Variants in CCDC146 observed in about 807,000 individuals in gnomAD.
CCDC146 encodes the protein coiled-coil domain-containing protein 146.
A neutral mutation model predicts 119.3 loss-of-function variants in CCDC146; 92 were observed. That is an observed-to-expected ratio of 0.77 (90% CI 0.65 to 0.92). The LOEUF (loss-of-function observed/expected upper bound fraction) is 0.92. Among genes scored for constraint, CCDC146 ranks in the 40% least tolerant of loss-of-function variants. The probability of loss-of-function intolerance (pLI) is 0.00; values close to 1 mark genes in which losing one functional copy is unlikely to be tolerated. For synonymous variants in CCDC146, 372 were observed against 371.8 expected (o/e 1.00, Z -0.01); for missense variants, 1,000 against 1,103.0 (o/e 0.91, Z 1.32).
intron 3 of CCDC146, among the ~76,000 whole-genome samples, chr7:77,238,620 G>C (rs1185568496): frequency 6.6e-6 from 1 of 151,988 alleles, no homozygotes; most frequent in Non-Finnish European, 1.5e-5. Flanking sequence ...GGTTTCACTG[G>C]GTTAGCCAGG....
chr7:77,242,638 T>G (rs1792871575), intron 4 of CCDC146, among the ~76,000 whole-genome samples: 1 of 152,194 alleles, frequency 6.6e-6, no homozygotes, highest in Admixed American at 6.5e-5. Flanking sequence ...AATTCAAGTT[T>G]TCTGCTGTGG....
At chr7:77,290,403 GA>G (rs1408677717) in intron 17 of CCDC146, among the ~76,000 whole-genome samples, 1 of 149,884 alleles carries the variant, frequency 6.7e-6, no homozygotes, top group Middle Eastern at 3.2e-3. Flanking sequence ...GAAAAAAGAA[GA>G]AAAAAAAAGT....
intron 1 of CCDC146, among the ~76,000 whole-genome samples, chr7:77,163,718 G>A (rs964890881): frequency 1.3e-5 from 2 of 152,054 alleles, no homozygotes; most frequent in African/African-American, 2.4e-5. Flanking sequence ...AGTTCAGAGG[G>A]GAAGTGGAAG....
chr7:77,198,117 G>A, intron 2 of CCDC146: 2 of 984,954 alleles, frequency 2.0e-6, no homozygotes, highest in Non-Finnish European at 1.2e-6. Context: ...ACCCACTGAT[G>A]TCACCTAAGC....
chr7:77,201,673 C>T (rs952247007), intron 2 of CCDC146, among the ~76,000 whole-genome samples: 1 of 151,956 alleles, frequency 6.6e-6, no homozygotes, highest in African/African-American at 2.4e-5. Flanking sequence ...GTTCTACACA[C>T]CTTATGACTT....
chr7:77,240,782 A>G (rs542586292), intron 3 of CCDC146, among the ~76,000 whole-genome samples: 1 of 152,292 alleles, frequency 6.6e-6, no homozygotes, highest in South Asian at 2.1e-4. Flanking sequence ...CATCAAAACT[A>G]GGAAGTTAAC....
At chr7:77,153,426 C>CTT (rs66503834) in intron 1 of CCDC146, among the ~76,000 whole-genome samples, 2 of 133,390 alleles carry the variant, frequency 1.5e-5, no homozygotes, top group African/African-American at 2.7e-5. Context: ...TGGGACTTTT[C>CTT]TTTTTTTTTT....
chr7:77,169,852 A>G (rs1471875215), intron 2 of CCDC146, among the ~76,000 whole-genome samples: 2 of 152,072 alleles, frequency 1.3e-5, no homozygotes, highest in African/African-American at 4.8e-5. Context: ...GGAGAATGAT[A>G]TTTGGAAACT....
chr7:77,156,273 T>C (rs186076757), intron 1 of CCDC146, among the ~76,000 whole-genome samples: 59 of 152,366 alleles, frequency 3.9e-4, no homozygotes, highest in African/African-American at 1.4e-3. Context: ...GTTTGTGTGG[T>C]TTTAATTGAA....
chr7:77,239,514 A>G (rs1199208763), intron 3 of CCDC146, among the ~76,000 whole-genome samples: 1 of 152,214 alleles, frequency 6.6e-6, no homozygotes, highest in Non-Finnish European at 1.5e-5. Context: ...CTGAATTGAG[A>G]ATATCACAAA....
At chr7:77,180,068 C>T (rs1791560057) in intron 2 of CCDC146, among the ~76,000 whole-genome samples, 1 of 151,862 alleles carries the variant, frequency 6.6e-6, no homozygotes, top group African/African-American at 2.4e-5. Flanking sequence ...TATATATACA[C>T]ACCATATAGA....
chr7:77,183,131 A>G (rs1026991211), intron 2 of CCDC146, among the ~76,000 whole-genome samples: 9 of 152,054 alleles, frequency 5.9e-5, no homozygotes, highest in Admixed American at 5.2e-4. Context: ...TCCTCATCAC[A>G]ACAGACGCCT....
intron 2 of CCDC146, among the ~76,000 whole-genome samples, chr7:77,174,935 T>A: frequency 6.6e-6 from 1 of 152,318 alleles, no homozygotes; most frequent in East Asian, 1.9e-4. Flanking sequence ...AGTAAAGACC[T>A]TCAATCAGTT....
At chr7:77,274,450 CTT>C (rs1210294404) in intron 10 of CCDC146, 30 bp from the exon 11 acceptor site, 1 of 1,341,958 alleles carries the variant, frequency 7.5e-7, no homozygotes, top group East Asian at 2.5e-5. Context: ...AAACAAATAA[CTT>C]ATAATATTAT....
At chr7:77,283,508 T>A (rs1229972525) in intron 15 of CCDC146, among the ~76,000 whole-genome samples, 2 of 152,148 alleles carry the variant, frequency 1.3e-5, no homozygotes, top group South Asian at 2.1e-4. Context: ...TATTTTTTTT[T>A]AAATGTCAGG....
At chr7:77,130,889 G>A (rs1403376422) in intron 1 of CCDC146, among the ~76,000 whole-genome samples, 11 of 144,880 alleles carry the variant, frequency 7.6e-5, no homozygotes, top group Non-Finnish European at 1.2e-4. Flanking sequence ...GAGCCACCGC[G>A]CCCGGCCCTT....
chr7:77,201,782 T>C (rs1791994845), intron 2 of CCDC146, among the ~76,000 whole-genome samples: 1 of 152,194 alleles, frequency 6.6e-6, no homozygotes, highest in Non-Finnish European at 1.5e-5. Flanking sequence ...GCTAAAAATA[T>C]CTATTTAATC....
At chr7:77,219,891 C>G (rs148604172) in intron 2 of CCDC146, among the ~76,000 whole-genome samples, 1 of 152,018 alleles carries the variant, frequency 6.6e-6, no homozygotes, top group Admixed American at 6.6e-5. Context: ...TATCAAAGGG[C>G]AGAGAGGCAG....
chr7:77,278,908 G>A (rs762457137), intron 12 of CCDC146, 29 bp from the exon 13 acceptor site: 28 of 1,603,090 alleles, frequency 1.7e-5, no homozygotes, highest in African/African-American at 2.7e-5. Flanking sequence ...CATTTCATAA[G>A]TTTCAGTAAA....
Sources: gnomAD v4.1 joint callset for allele counts (sites outside exome capture counted in the v4.1 genomes callset) on GRCh38, gnomAD v4.1.1 for gene constraint, MANE v1.5 for transcripts, NCBI Gene and HGNC (gene_info 2026-07-23, HGNC 2026-07-21) for gene names.